Variants in PTBP2 observed in about 807,000 individuals in gnomAD.
PTBP2 encodes the protein polypyrimidine tract-binding protein 2.
Under a neutral mutation model 61.4 loss-of-function variants are expected in PTBP2, and 13 were observed. That is an observed-to-expected ratio of 0.21 (90% CI 0.14 to 0.34). PTBP2 has a LOEUF of 0.34. Ranked by LOEUF, PTBP2 falls within the 10% of genes least tolerant of loss-of-function variation. PTBP2 has a pLI of 1.00. For synonymous variants in PTBP2, 215 were observed against 218.5 expected, an observed-to-expected ratio of 0.98 and a Z score of 0.14; for missense variants, 405 against 642.6, an observed-to-expected ratio of 0.63 and a Z score of 4.00.
At chr1:96,788,019 A>G (rs1659395308) in intron 8 of PTBP2, among the ~76,000 whole-genome samples, 1 of 152,174 alleles carries the variant, frequency 6.6e-6, no homozygotes, top group African/African-American at 2.4e-5. Flanking sequence ...AACATTAATT[A>G]TATATGAGGC....
intron 8 of PTBP2, among the ~76,000 whole-genome samples, chr1:96,791,847 T>TTTTTTTTG (rs2101106322): frequency 8.1e-6 from 1 of 122,700 alleles, no homozygotes; most frequent in East Asian, 2.2e-4. Flanking sequence ...TTTTTTTTTT[T>TTTTTTTTG]TTGAGATAGA....
chr1:96,807,097 GTGAATAGTTGTA>G, intron 11 of PTBP2, 139 bp downstream of exon 11: 2 of 611,640 alleles, frequency 3.3e-6, no homozygotes, highest in Non-Finnish European at 5.4e-6. Flanking sequence ...TCATTTTAAT[GTGAATAGTTGTA>G]TGTGACGAAC....
At position 96,802,211 on chromosome 1, in the gene PTBP2, G is replaced by GGAA. The variant is rs371361869; in HGVS notation, c.905-2589_905-2588insGAA. Among the ~76,000 whole-genome samples, 46 of 54,016 alleles carry GGAA rather than the reference G, an allele frequency of 8.5e-4. 1 individual carries two copies. Among genetic ancestry groups the GGAA allele is most frequent in the African/African-American group, 3.2e-3 (39 of 12,228 alleles). The allele number at this position is 54,016 out of a possible 152,430, so 35.4% of individuals were successfully genotyped here. On this transcript the variant is annotated intron_variant, in intron 8 of 13. Coordinates refer to ENST00000674951, the MANE Select transcript of PTBP2 (RefSeq NM_021190.4). ...GAGAGACACAGCGAGACTCCGTCTC[G>GGAA]AAAAAAAAAAAAAAAAAAAAAAGAA...
intron 10 of PTBP2, 42 bp from the exon 11 acceptor site, chr1:96,806,824 T>C (rs1661536568): frequency 6.8e-7 from 1 of 1,472,670 alleles, no homozygotes; most frequent in African/African-American, 1.4e-5. Flanking sequence ...CCACATAAAA[T>C]TAATTCCATT....
At chr1:96,744,881 A>G (rs1015530574) in intron 2 of PTBP2, among the ~76,000 whole-genome samples, 4 of 152,124 alleles carry the variant, frequency 2.6e-5, no homozygotes, top group Non-Finnish European at 4.4e-5. Context: ...TAAATGTCTT[A>G]TTTAAACGTT....
At chr1:96,797,451 A>G (rs1265580553) in intron 8 of PTBP2, among the ~76,000 whole-genome samples, 1 of 152,196 alleles carries the variant, frequency 6.6e-6, no homozygotes, top group Non-Finnish European at 1.5e-5. Context: ...GAAGAGGAAG[A>G]GGATTGAATT....
chr1:96,749,500 C>T, intron 2 of PTBP2: 1 of 332,634 alleles, frequency 3.0e-6, no homozygotes, highest in Non-Finnish European at 6.2e-6. Context: ...TTAAGCATCA[C>T]TTAAGTTTTG....
At chr1:96,768,710 GTTACT>G (rs1057106006) in intron 3 of PTBP2, among the ~76,000 whole-genome samples, 16 of 151,948 alleles carry the variant, frequency 1.1e-4, no homozygotes, top group East Asian at 1.9e-4. Context: ...ATTGAATTAT[GTTACT>G]TTACTTTAAA....
At chr1:96,756,609 A>ATGAT (rs1221354885) in intron 3 of PTBP2, among the ~76,000 whole-genome samples, 1 of 150,978 alleles carries the variant, frequency 6.6e-6, no homozygotes, top group Admixed American at 6.5e-5. Context: ...AATGTTAATC[A>ATGAT]GCACTAAATG....
intron 2 of PTBP2, among the ~76,000 whole-genome samples, chr1:96,746,854 C>T (rs144849045): frequency 6.4e-3 from 354 of 55,224 alleles, no homozygotes; most frequent in Middle Eastern, 0.012. Flanking sequence ...CCTCCCTCCC[C>T]CTCCCTCCGT....
chr1:96,750,461 C>G (rs1205092258), intron 2 of PTBP2, among the ~76,000 whole-genome samples: 1 of 151,732 alleles, frequency 6.6e-6, no homozygotes, highest in Non-Finnish European at 1.5e-5. Context: ...GGGAGACAAC[C>G]TATGGATATC....
intron 8 of PTBP2, among the ~76,000 whole-genome samples, chr1:96,800,324 C>A (rs527596318): frequency 6.7e-6 from 1 of 148,890 alleles, no homozygotes; most frequent in East Asian, 2.0e-4. Flanking sequence ...CCAAATTTTT[C>A]TGTCTAGAAG....
intron 2 of PTBP2, among the ~76,000 whole-genome samples, chr1:96,728,031 C>T (rs181124659): frequency 7.2e-5 from 11 of 152,062 alleles, no homozygotes; most frequent in Admixed American, 1.3e-4. Flanking sequence ...ACTCTGTCAC[C>T]CCAGCTGGAG....
chr1:96,734,907 T>C (rs1479914172), intron 2 of PTBP2, among the ~76,000 whole-genome samples: 14 of 83,492 alleles, frequency 1.7e-4, no homozygotes, highest in Admixed American at 4.7e-4. Context: ...TTTTTTCTTT[T>C]TTTTTTTTTT....
In PTBP2 at chr1:96,785,453, A is replaced by G. The variant is rs1045936274; in HGVS notation, c.904+199A>G. On this transcript the variant is annotated intron_variant, in intron 8 of 13. Coordinates refer to ENST00000674951, the MANE Select transcript of PTBP2 (RefSeq NM_021190.4). The stretch of plus-strand genomic sequence containing the variant: ...TCTTTATAAGTCTAATTAAAATTAT[A>G]TGTTAGTTTTGTTCCTTTTAATACC... Among the ~76,000 whole-genome samples the G allele has an allele frequency of 5.3e-5, 8 of 152,350 alleles. No homozygotes were observed. The South Asian group carries it at 1.7e-3, about 32-fold the overall frequency.
At chr1:96,800,449 A>C (rs1660867577) in intron 8 of PTBP2, among the ~76,000 whole-genome samples, 1 of 144,688 alleles carries the variant, frequency 6.9e-6, no homozygotes, top group South Asian at 2.2e-4. Flanking sequence ...AAAGGGCTTT[A>C]GACCAGGTGT....
chr1:96,724,292 C>T (rs1570674074), intron 2 of PTBP2, among the ~76,000 whole-genome samples: 1 of 151,868 alleles, frequency 6.6e-6, no homozygotes, highest in East Asian at 1.9e-4. Flanking sequence ...CACTCTGTTG[C>T]CCAGGCTGGA....
Position 96,751,511 on chromosome 1 carries a change from C to A in PTBP2, c.115+11C>A. On this transcript the variant is annotated intron_variant, in intron 3 of 13. Coordinates refer to ENST00000674951, the MANE Select transcript of PTBP2 (RefSeq NM_021190.4). ...GCATGGTAGTTACAGGTAAGTGTTA[C>A]TCTCTTAGCAGTCTGTCATTTGCCA... 2 of 1,602,076 alleles carry A rather than the reference C, an allele frequency of 1.2e-6. No individual in the cohort carries two copies. The highest frequency in any genetic ancestry group is 1.7e-6 in the Non-Finnish European group (2 of 1,170,434).
At chr1:96,731,212 A>G (rs1339843467) in intron 2 of PTBP2, among the ~76,000 whole-genome samples, 1 of 152,188 alleles carries the variant, frequency 6.6e-6, no homozygotes, top group Non-Finnish European at 1.5e-5. Flanking sequence ...AGAAGTAAAA[A>G]TGCTGTGTCA....
Sources: gnomAD v4.1 joint callset for allele counts (sites outside exome capture counted in the v4.1 genomes callset) on GRCh38, gnomAD v4.1.1 for gene constraint, MANE v1.5 for transcripts, NCBI Gene and HGNC (gene_info 2026-07-23, HGNC 2026-07-21) for gene names.